The following BRAF variants were observed in gnomAD, a reference collection of about 807,000 sequenced individuals.
The protein encoded by BRAF is B-Raf proto-oncogene, serine/threonine kinase.
A neutral mutation model predicts 104.6 loss-of-function variants in BRAF; 16 were observed. The observed-to-expected ratio is 0.15, with a 90% CI of 0.10 to 0.23. The LOEUF (loss-of-function observed/expected upper bound fraction) is 0.23. BRAF is among the 10% of genes least tolerant of loss of function. BRAF has a pLI of 1.00. For missense variants in BRAF, 541 were observed against 937.3 expected, an observed-to-expected ratio of 0.58 and a Z score of 5.52; for synonymous variants, 310 against 341.6, an observed-to-expected ratio of 0.91 and a Z score of 1.02.
rs397507457 is a variant in BRAF at position 140,924,628 on chromosome 7, C to G, written c.76G>C (p.Glu26Gln). The change falls in exon 1 of 20, where the codon GAG (glutamate) becomes CAG (glutamine). Residue 26 changes from glutamate (E) to glutamine (Q), a missense_variant. Glu to Gln is a conservative substitution (Grantham distance 29). This residue lies in a region of BRAF where 82 missense variants were observed against 65.9 expected (regional missense o/e 1.24). Coordinates refer to ENST00000644969, the MANE Select transcript of BRAF (RefSeq NM_001374258.1). The surrounding 1 kb of genome is among the most constrained non-coding windows in gnomAD (Gnocchi z 4.2). Reference protein sequence around the residue: ...QALFNGDMEPEAGAGAGAAAS... With the variant: ...QALFNGDMEPQAGAGAGAAAS... ...GCGGCGCCGGCGCCGGCGCCGGCCT[C>G]GGGCTCCATGTCCCCGTTGAACAGA... The G allele has an allele frequency of 6.6e-7, 1 of 1,518,538 alleles. No homozygotes were observed. The highest frequency in any genetic ancestry group is 1.2e-5 in the South Asian group (1 of 83,572). 94.1% of individuals were successfully genotyped at this position (1,518,538 alleles called of 1,614,324 possible).
chr7:140,853,658 CTT>C (rs1809446094), intron 1 of BRAF, among the ~76,000 whole-genome samples: 1 of 152,172 alleles, frequency 6.6e-6, no homozygotes, highest in Non-Finnish European at 1.5e-5. Context: ...TCATTCATCT[CTT>C]TATCCCAATG....
rs1366669201 is a variant in BRAF at position 140,724,014 on chromosome 7, T to A, written c.*2480A>T. ...AGAGAGGTTTAAATATTTTATTTTT[T>A]AAGGTATCTATAAAAATCTCAATAT... On this transcript the variant is annotated 3_prime_UTR_variant, in exon 20 of 20. Coordinates refer to ENST00000644969, the MANE Select transcript of BRAF (RefSeq NM_001374258.1). 3.8e-6 allele frequency: 4 copies of A among 1,043,898 alleles called. No individual in the cohort carries two copies. Among genetic ancestry groups the A allele is most frequent in the East Asian group, 5.7e-5 (1 of 17,578 alleles). The allele number at this position is 1,043,898 out of a possible 1,614,324, so 64.7% of individuals were successfully genotyped here.
chr7:140,904,859 G>A (rs377686393), intron 1 of BRAF, among the ~76,000 whole-genome samples: 10 of 152,162 alleles, frequency 6.6e-5, no homozygotes, highest in African/African-American at 1.7e-4. Context: ...CGCCTGCCTC[G>A]GCCTCCCAAA....
chr7:140,890,285 T>C (rs1430704539), intron 1 of BRAF, among the ~76,000 whole-genome samples: 1 of 152,190 alleles, frequency 6.6e-6, no homozygotes, highest in Non-Finnish European at 1.5e-5. Flanking sequence ...TGGCACATTA[T>C]TACTATAAAA....
chr7:140,793,870 C>T lies in BRAF; in HGVS notation c.1140+438G>A, dbSNP rs192240538. ...TCTAACTTCTGGGTCAAGCGTTCCA[C>T]CCATCTTGGCCTCCCAAAGTGTTGG... is the stretch of plus-strand genomic sequence containing the variant. On this transcript the variant is annotated intron_variant, in intron 8 of 19. Coordinates refer to ENST00000644969, the MANE Select transcript of BRAF (RefSeq NM_001374258.1). Among the ~76,000 whole-genome samples the T allele has an allele frequency of 2.4e-4, 36 of 152,316 alleles. No individual in the cohort carries two copies. The East Asian group carries it at 6.4e-3, about 27-fold the overall frequency.
intron 1 of BRAF, among the ~76,000 whole-genome samples, chr7:140,913,815 T>A (rs79704481): frequency 6.6e-6 from 1 of 152,176 alleles, no homozygotes; most frequent in Non-Finnish European, 1.5e-5. Context: ...ACACAAGTCA[T>A]AATTACCAGT....
chr7:140,894,530 T>C (rs757573544), intron 1 of BRAF, among the ~76,000 whole-genome samples: 7 of 152,198 alleles, frequency 4.6e-5, no homozygotes, highest in African/African-American at 7.2e-5. Context: ...ATAAGTGTAC[T>C]GATTTTCTTA....
chr7:140,762,858 C>T (rs1430401623), intron 14 of BRAF, among the ~76,000 whole-genome samples: 2 of 152,212 alleles, frequency 1.3e-5, no homozygotes, highest in East Asian at 1.9e-4. Context: ...GCACATCTTG[C>T]ACCGCCCTTA....
chr7:140,879,611 C>CAATT (rs540928744), intron 1 of BRAF, among the ~76,000 whole-genome samples: 96 of 142,770 alleles, frequency 6.7e-4, no homozygotes, highest in Non-Finnish European at 1.3e-3. Context: ...AAACCACTAA[C>CAATT]AATTACCTGG....
chr7:140,915,247 T>C (rs1263668720), intron 1 of BRAF, among the ~76,000 whole-genome samples: 2 of 152,024 alleles, frequency 1.3e-5, no homozygotes, highest in Admixed American at 1.3e-4. Flanking sequence ...AGCAGTACAT[T>C]AAACTGTTTA....
chr7:140,745,789 G>A (rs1339056940), intron 17 of BRAF, among the ~76,000 whole-genome samples: 1 of 152,126 alleles, frequency 6.6e-6, no homozygotes, highest in East Asian at 1.9e-4. Context: ...AGTTGGTATT[G>A]AAAACATTTT....
chr7:140,853,328 G>C (rs1809402358), intron 1 of BRAF, among the ~76,000 whole-genome samples: 1 of 151,976 alleles, frequency 6.6e-6, no homozygotes, highest in Non-Finnish European at 1.5e-5. Context: ...AATGAGCTGT[G>C]ATCGCGCCAC....
chr7:140,756,564 T>C (rs1798222572), intron 14 of BRAF, among the ~76,000 whole-genome samples: 1 of 151,074 alleles, frequency 6.6e-6, no homozygotes, highest in East Asian at 1.9e-4. Context: ...CAAACAAAAA[T>C]AACAGAAAAC....
intron 2 of BRAF, among the ~76,000 whole-genome samples, chr7:140,849,829 T>TA (rs947848426): frequency 4.0e-5 from 6 of 150,744 alleles, no homozygotes; most frequent in Admixed American, 6.7e-5. Context: ...AATAAATAAA[T>TA]AAAATAAAAA....
chr7:140,727,315 C>T (rs1795658601), intron 19 of BRAF, among the ~76,000 whole-genome samples: 1 of 151,822 alleles, frequency 6.6e-6, no homozygotes, highest in East Asian at 1.9e-4. Flanking sequence ...TCCCAAGTAG[C>T]TGGGATTACA....
Position 140,719,835 on chromosome 7 carries a change from G to T in BRAF, c.*6659C>A. ...ACTGGGCACGCCCCAGACTCCACGA[G>T]AACCTTTTCAATGCTTGAGTGGAAC... On this transcript the variant is annotated 3_prime_UTR_variant, in exon 20 of 20. Coordinates refer to ENST00000644969, the MANE Select transcript of BRAF (RefSeq NM_001374258.1). 2 of 1,063,234 alleles carry T rather than the reference G, an allele frequency of 1.9e-6. No individual in the cohort carries two copies. The highest frequency in any genetic ancestry group is 3.3e-5 in the African/African-American group (2 of 61,066). The allele number at this position is 1,063,234 out of a possible 1,614,324, so 65.9% of individuals were successfully genotyped here. A position where few individuals can be genotyped will look rare whatever the true frequency, so the allele number is the denominator to read the frequency against.
intron 1 of BRAF, among the ~76,000 whole-genome samples, chr7:140,860,273 A>T (rs562218284): frequency 1.2e-3 from 187 of 152,286 alleles, no homozygotes; most frequent in Non-Finnish European, 1.7e-3. Context: ...GAAAAGGTCA[A>T]CTAATCCAAA....
At position 140,924,529 on chromosome 7, in the gene BRAF, G is replaced by A. The variant is rs763440096; in HGVS notation, c.138+37C>T. 1 of 1,533,562 alleles carries A rather than the reference G, an allele frequency of 6.5e-7. No homozygotes were observed. Among genetic ancestry groups the A allele is most frequent in the Non-Finnish European group, 8.7e-7 (1 of 1,145,982 alleles). 95.0% of individuals were successfully genotyped at this position (1,533,562 alleles called of 1,614,324 possible). A position where few individuals can be genotyped will look rare whatever the true frequency, so the allele number is the denominator to read the frequency against. ...TAAACACCAGCCAGCCGCCGAGCCCGGAGTCGGGAGGGCGGCAGGGTGGCG... is the reference window on the plus strand; with the variant it reads ...TAAACACCAGCCAGCCGCCGAGCCCAGAGTCGGGAGGGCGGCAGGGTGGCG... On this transcript the variant is annotated intron_variant, in intron 1 of 19. Coordinates refer to ENST00000644969, the MANE Select transcript of BRAF (RefSeq NM_001374258.1). This position sits in a 1 kb window ranked among gnomAD's most constrained non-coding sequence, Gnocchi z 4.2.
intron 17 of BRAF, among the ~76,000 whole-genome samples, chr7:140,746,723 T>C (rs1797376498): frequency 6.6e-6 from 1 of 150,938 alleles, no homozygotes; most frequent in African/African-American, 2.4e-5. Flanking sequence ...TCCCAGCTAC[T>C]CGGGAGGCTG....
Sources: allele counts gnomAD v4.1 joint callset (sites outside exome capture counted in the v4.1 genomes callset), GRCh38; gene constraint gnomAD v4.1.1; regional missense constraint gnomAD v4.1.1; non-coding constraint Gnocchi (gnomAD v3.1); transcripts MANE v1.5; gene names NCBI Gene and HGNC (gene_info 2026-07-23, HGNC 2026-07-21).